Variants in HUS1B observed in about 807,000 individuals in gnomAD.
The protein encoded by HUS1B is HUS1 checkpoint clamp component B, also known as checkpoint protein HUS1B.
For missense variants in HUS1B, 475 were observed against 390.4 expected, an observed-to-expected ratio of 1.22 and a Z score of -1.83; for synonymous variants, 207 against 176.2, an observed-to-expected ratio of 1.17 and a Z score of -1.38.
Position 656,048 on chromosome 6 carries a change from G to A in HUS1B, c.*60C>T. The A allele has an allele frequency of 4.0e-6, 5 of 1,244,260 alleles. No individual in the cohort carries two copies. The highest frequency in any genetic ancestry group is 5.7e-6 in the Non-Finnish European group (5 of 870,688). The allele number at this position is 1,244,260 out of a possible 1,614,324, so 77.1% of individuals were successfully genotyped here. ...AAATTTTCAACCCAATTAACTCAGG[G>A]TCTGTTTTAGTTTTGAAAAGATCAA... On this transcript the variant is annotated 3_prime_UTR_variant, in exon 1 of 1. Transcript: ENST00000380907.
Position 656,726 on chromosome 6 carries a change from T to C in HUS1B, c.219A>G (p.Glu73=), listed in dbSNP as rs144343162. 1.4e-4 allele frequency: 229 copies of C among 1,596,346 alleles called. No individual in the cohort carries two copies. Among genetic ancestry groups the C allele is most frequent in the Non-Finnish European group, 1.9e-4 (218 of 1,170,148 alleles). ...GCTCCAGGTGGATCTCATCGAGATCTTCCGAGACACCTTCCATGCGAAACT... is the reference window on the plus strand; with the variant it reads ...GCTCCAGGTGGATCTCATCGAGATCCTCCGAGACACCTTCCATGCGAAACT... ...FQQFRMEGVS[E]DLDEIHLELT... The change falls in exon 1 of 1, where the codon GAA becomes GAG. Residue 73 remains glutamate, a synonymous_variant. Transcript: ENST00000380907.
chr6:656,472 C>G lies in HUS1B; in HGVS notation c.473G>C (p.Arg158Pro), dbSNP rs759841851. ...PSLRASDASI[R>P]LPRWRTLRSI... is the part of the protein sequence containing the mutation. ...CCTCAGCGTCCTCCAGCGCGGCAGG[C>G]GGATGCTCGCGTCGGAGGCGCGCAG... Residue 158 changes from arginine (R) to proline (P), a missense_variant, in exon 1 of 1, where the codon CGC (arginine) becomes CCC (proline). Coordinates refer to ENST00000380907, the MANE Select transcript of HUS1B (RefSeq NM_148959.4). The G allele has an allele frequency of 2.5e-6, 4 of 1,611,330 alleles. No individual in the cohort carries two copies. In the East Asian group the frequency reaches 6.7e-5, roughly 27 times the overall value.
Position 656,384 on chromosome 6 carries a change from G to C in HUS1B, c.561C>G (p.Gly187=). ...CCGTCTCTATACTCAGGGTCATCCTGCCACTGAGGTTTGCTTCCACCAGCA... is the reference window on the plus strand; with the variant it reads ...CCGTCTCTATACTCAGGGTCATCCTCCCACTGAGGTTTGCTTCCACCAGCA... ...SHVLVEANLS[G]RMTLSIETEV... Residue 187 remains glycine, a synonymous_variant, in exon 1 of 1, where the codon GGC becomes GGG. Transcript: ENST00000380907. 1 of 1,614,210 alleles carries C rather than the reference G, an allele frequency of 6.2e-7. No homozygotes were observed.
Position 656,820 on chromosome 6 carries a change from C to G in HUS1B, c.125G>C (p.Gly42Ala). 6.2e-7 allele frequency: 1 copy of G among 1,609,600 alleles called. No individual in the cohort carries two copies. Residue 42 changes from glycine to alanine, a missense_variant, in exon 1 of 1, where the codon GGC becomes GCC. Transcript: ENST00000380907. ...LRVRPDSLCF[G>A]PAGSGGLHEA... ...GTGGAGGCCGCCGGAACCCGCGGGG[C>G]CGAAGCACAGGCTGTCAGGGCGCAC...
In HUS1B at chr6:656,884, C is replaced by T. The variant is rs140630904; in HGVS notation, c.61G>A (p.Gly21Ser). ...ACCTTCGCTAGCCTCGCGACGGTGCCGCTGACGTGAATGAACAGCTCTAGA... is the reference window on the plus strand; with the variant it reads ...ACCTTCGCTAGCCTCGCGACGGTGCTGCTGACGTGAATGAACAGCTCTAGA... ...GCLELFIHVS[G>S]TVARLAKVCV... The change falls in exon 1 of 1, where the codon GGC becomes AGC. Residue 21 changes from glycine to serine, a missense_variant. Physicochemically the swap from Gly to Ser is moderately conservative, Grantham distance 56. Transcript: ENST00000380907. 3.0e-5 allele frequency: 48 copies of T among 1,600,280 alleles called. No homozygotes were observed. The highest frequency in any genetic ancestry group is 3.6e-5 in the Non-Finnish European group (42 of 1,171,486).
Position 656,367 on chromosome 6 carries a change from A to G in HUS1B, c.578T>C (p.Ile193Thr). The G allele has an allele frequency of 6.2e-7, 1 of 1,614,194 alleles. No individual in the cohort carries two copies. Among genetic ancestry groups the G allele is most frequent in the Non-Finnish European group, 8.5e-7 (1 of 1,180,034 alleles). Residue 193 changes from isoleucine to threonine, a missense_variant, in exon 1 of 1, where the codon ATA becomes ACA. By Grantham distance (89) the Ile-to-Thr change is moderately conservative. Transcript: ENST00000380907. ...ANLSGRMTLS[I>T]ETEVVSIQSY... ...TTGAATGGACACCACCTCCGTCTCT[A>G]TACTCAGGGTCATCCTGCCACTGAG...
Position 656,445 on chromosome 6 carries a change from C to T in HUS1B, c.500G>A (p.Ser167Asn), listed in dbSNP as rs1040569188. Reference sequence around the variant, plus strand: ...CACGTTCGCCATCCTCTCCACGATGCTCCTCAGCGTCCTCCAGCGCGGCAG... The same window carrying T: ...CACGTTCGCCATCCTCTCCACGATGTTCCTCAGCGTCCTCCAGCGCGGCAG... The part of the protein sequence containing the change: ...IRLPRWRTLR[S>N]IVERMANVGS... The change falls in exon 1 of 1, where the codon AGC becomes AAC. Residue 167 changes from serine to asparagine, a missense_variant. By Grantham distance (46) the Ser-to-Asn change is conservative. Coordinates refer to ENST00000380907, the MANE Select transcript of HUS1B (RefSeq NM_148959.4). The T allele has an allele frequency of 5.0e-6, 8 of 1,613,514 alleles. No homozygotes were observed. Among genetic ancestry groups the T allele is most frequent in the Non-Finnish European group, 6.8e-6 (8 of 1,179,718 alleles).
At chr6:656,123 GA>G in the HUS1B span, 1 of 1,605,538 alleles carries the variant, frequency 6.2e-7, no homozygotes, top group Non-Finnish European at 8.5e-7. Flanking sequence ...AGGCAGGAAT[GA>G]AATACTGAAG....
rs571805514 is a variant in HUS1B, at chr6:655,952, C to T, written c.*156G>A. 8.4e-6 allele frequency: 5 copies of T among 596,812 alleles called. No individual in the cohort carries two copies. The South Asian group carries it at 8.6e-5, about 10-fold the overall frequency. The allele number at this position is 596,812 out of a possible 1,614,324, so 37.0% of individuals were successfully genotyped here. A position where few individuals can be genotyped will look rare whatever the true frequency, so the allele number is the denominator to read the frequency against. On this transcript the variant is annotated 3_prime_UTR_variant, in exon 1 of 1. Coordinates refer to ENST00000380907, the MANE Select transcript of HUS1B (RefSeq NM_148959.4). The stretch of plus-strand genomic sequence containing the variant: ...GAACTACCCAACTGTTTTACCAATG[C>T]TTTAATATAAATTTTGCAAAGGAGG...
chr6:656,253 A>AC, the HUS1B span: 6 of 1,613,990 alleles, frequency 3.7e-6, no homozygotes, highest in African/African-American at 8.0e-5. Flanking sequence ...CCGATTGTCC[A>AC]CCCGCACTTG....
rs1763079870 is a variant in HUS1B, at chr6:656,279, G to C, written c.666C>G (p.Asp222Glu). Residue 222 changes from aspartate to glutamate, a missense_variant, in exon 1 of 1, where the codon GAC becomes GAG. Asp to Glu is a conservative substitution (Grantham distance 45). Transcript: ENST00000380907. ...CCCGCACTTGCACCATGCTCTCCAG[G>C]TCTCTGTTTTCAGGCACACCCACAG... The part of the protein sequence containing the change: ...QSAVGVPENR[D>E]LESMVQVRVD... 1 of 1,614,066 alleles carries C rather than the reference G, an allele frequency of 6.2e-7. No individual in the cohort carries two copies. Among genetic ancestry groups the C allele is most frequent in the Non-Finnish European group, 8.5e-7 (1 of 1,180,036 alleles).
rs201176240 is a variant in HUS1B at position 656,464 on chromosome 6, G to A, written c.481C>T (p.Arg161Cys). The change falls in exon 1 of 1, where the codon CGC becomes TGC. Residue 161 changes from arginine to cysteine, a missense_variant. Coordinates refer to ENST00000380907, the MANE Select transcript of HUS1B (RefSeq NM_148959.4). ...RASDASIRLPRWRTLRSIVER... is the reference protein window; with the variant it reads ...RASDASIRLPCWRTLRSIVER... ...ACGATGCTCCTCAGCGTCCTCCAGC[G>A]CGGCAGGCGGATGCTCGCGTCGGAG... The A allele has an allele frequency of 1.9e-5, 30 of 1,612,218 alleles. No individual in the cohort carries two copies. The highest frequency in any genetic ancestry group is 1.1e-4 in the South Asian group (10 of 91,048).
In HUS1B at chr6:656,606, C is replaced by T. The variant is rs765215769; in HGVS notation, c.339G>A (p.Thr113=). The change falls in exon 1 of 1, where the codon ACG becomes ACA. Residue 113 remains threonine (T), a synonymous_variant. Transcript: ENST00000380907. The part of the protein sequence containing the change: ...QLTHKRRPSL[T]VAVELVSSLG... ...GGGACGAGACCAGCTCCACCGCCAC[C>T]GTGAGGGAGGGGCGGCGCTTGTGGG... 2.5e-6 allele frequency: 4 copies of T among 1,597,772 alleles called. No individual in the cohort carries two copies. The South Asian group carries it at 4.5e-5, about 18-fold the overall frequency.
At position 656,945 on chromosome 6, in the gene HUS1B, G is replaced by C. The variant is rs564729138; in HGVS notation, c.-1C>G. The C allele has an allele frequency of 3.1e-5, 47 of 1,516,868 alleles. No homozygotes were observed. In the South Asian group the frequency reaches 5.3e-4, roughly 17 times the overall value. The allele number at this position is 1,516,868 out of a possible 1,614,324, so 94.0% of individuals were successfully genotyped here. ...CGGTGATCTTGGCGCGAAACTTCAT[G>C]ATGCCACAGGGAAGGCAGCTGGGGG... On this transcript the variant is annotated 5_prime_UTR_variant, in exon 1 of 1. The change creates a new upstream start codon in the 5' untranslated region. Coordinates refer to ENST00000380907, the MANE Select transcript of HUS1B (RefSeq NM_148959.4).
Position 656,990 on chromosome 6 carries a change from G to A in HUS1B, c.-46C>T, listed in dbSNP as rs1189254899. The A allele has an allele frequency of 6.9e-7, 1 of 1,451,750 alleles. No homozygotes were observed. The highest frequency in any genetic ancestry group is 2.2e-5 in the Admixed American group (1 of 45,088). The allele number at this position is 1,451,750 out of a possible 1,614,324, so 89.9% of individuals were successfully genotyped here. On this transcript the variant is annotated 5_prime_UTR_variant, in exon 1 of 1. In the 5' UTR this introduces an upstream ATG that the reference lacks. Transcript: ENST00000380907. ...TGGGGGCCTCTGAGGGGGATTCCGCGTGCCACAAGCCCTTCCGGTCCGCTG... is the reference window on the plus strand; with the variant it reads ...TGGGGGCCTCTGAGGGGGATTCCGCATGCCACAAGCCCTTCCGGTCCGCTG...
chr6:656,799 A>T lies in HUS1B; in HGVS notation c.146T>A (p.Leu49His). The T allele has an allele frequency of 1.2e-6, 2 of 1,605,082 alleles. No homozygotes were observed. The highest frequency in any genetic ancestry group is 1.7e-6 in the Non-Finnish European group (2 of 1,174,766). Residue 49 changes from leucine (L) to histidine (H), a missense_variant, in exon 1 of 1, where the codon CTC becomes CAC. By Grantham distance (99) the Leu-to-His change is moderately conservative (BLOSUM62 -3). Transcript: ENST00000380907. ...LCFGPAGSGG[L>H]HEARLWCEVR... ...CTCGCACCACAGCCTGGCCTCGTGGAGGCCGCCGGAACCCGCGGGGCCGAA... is the reference window on the plus strand; with the variant it reads ...CTCGCACCACAGCCTGGCCTCGTGGTGGCCGCCGGAACCCGCGGGGCCGAA...
chr6:657,053 C>T lies in HUS1B; in HGVS notation c.-109G>A, dbSNP rs577167800. On this transcript the variant is annotated 5_prime_UTR_variant, in exon 1 of 1. Coordinates refer to ENST00000380907, the MANE Select transcript of HUS1B (RefSeq NM_148959.4). ...CTGCCCTCCCCGCCCTCCCTCCGGC[C>T]CCCCAGCTAGGCAGGCACTCGGGTT... 3.1e-3 allele frequency: 2,887 copies of T among 942,226 alleles called. 58 individuals are homozygous for T. The African/African-American group carries it at 0.044, about 14-fold the overall frequency. The allele number at this position is 942,226 out of a possible 1,614,324, so 58.4% of individuals were successfully genotyped here. A position where few individuals can be genotyped will look rare whatever the true frequency, so the allele number is the denominator to read the frequency against.
chr6:656,637 T>G lies in HUS1B; in HGVS notation c.308A>C (p.Gln103Pro). The G allele has an allele frequency of 6.2e-7, 1 of 1,606,790 alleles. No individual in the cohort carries two copies. Among genetic ancestry groups the G allele is most frequent in the Non-Finnish European group, 8.5e-7 (1 of 1,176,766 alleles). ...GGAGGGGCGGCGCTTGTGGGTCAGC[T>G]GCAGCTTCAGGGAGGACGCGCCCGC... ...SAAGASSLKL[Q>P]LTHKRRPSLT... Residue 103 changes from glutamine (Q) to proline (P), a missense_variant, in exon 1 of 1, where the codon CAG (glutamine) becomes CCG (proline). Physicochemically the swap from Gln to Pro is moderately conservative, Grantham distance 76. Coordinates refer to ENST00000380907, the MANE Select transcript of HUS1B (RefSeq NM_148959.4).
At position 656,386 on chromosome 6, in the gene HUS1B, C is replaced by T. The variant is rs1194299038; in HGVS notation, c.559G>A (p.Gly187Ser). 2.5e-6 allele frequency: 4 copies of T among 1,614,234 alleles called. No homozygotes were observed. Among genetic ancestry groups the T allele is most frequent in the Non-Finnish European group, 3.4e-6 (4 of 1,180,038 alleles). Reference protein sequence around the residue: ...SHVLVEANLSGRMTLSIETEV... With the variant: ...SHVLVEANLSSRMTLSIETEV... Reference sequence around the variant, plus strand: ...GTCTCTATACTCAGGGTCATCCTGCCACTGAGGTTTGCTTCCACCAGCACG... The same window carrying T: ...GTCTCTATACTCAGGGTCATCCTGCTACTGAGGTTTGCTTCCACCAGCACG... The change falls in exon 1 of 1, where the codon GGC becomes AGC. Residue 187 changes from glycine to serine, a missense_variant. Physicochemically the swap from Gly to Ser is moderately conservative, Grantham distance 56 (BLOSUM62 0). Transcript: ENST00000380907.
Sources: gnomAD v4.1 joint callset for allele counts on GRCh38, gnomAD v4.1.1 for gene constraint, MANE v1.5 for transcripts, NCBI Gene and HGNC (gene_info 2026-07-23, HGNC 2026-07-21) for gene names.